Variants in ANKRD62 observed in about 807,000 individuals in gnomAD.
ANKRD62 encodes the protein ankyrin repeat domain 62, also known as ankyrin repeat domain-containing protein 62.
In ANKRD62, 61 loss-of-function variants were observed where a neutral mutation model predicts 98.8. That is an observed-to-expected ratio of 0.62 (90% CI 0.50 to 0.76). The LOEUF (loss-of-function observed/expected upper bound fraction) is 0.76, where lower values mean the gene tolerates loss of function less well. Ranked by LOEUF, ANKRD62 falls within the 30% of genes least tolerant of loss-of-function variation. The pLI is 0.00. For missense variants in ANKRD62, 933 were observed against 1,082.9 expected, an observed-to-expected ratio of 0.86 and a Z score of 1.94; for synonymous variants, 341 against 367.9, an observed-to-expected ratio of 0.93 and a Z score of 0.84.
intron 10 of ANKRD62, among the ~76,000 whole-genome samples, chr18:12,120,367 G>A (rs1486673664): frequency 6.6e-6 from 1 of 152,144 alleles, no homozygotes; most frequent in African/African-American, 2.4e-5. Context: ...TTGATTAACT[G>A]AAACTTTTAT....
the ANKRD62 span, among the ~76,000 whole-genome samples, chr18:12,177,559 C>A: frequency 2.0e-5 from 3 of 151,890 alleles, 1 homozygote; most frequent in African/African-American, 7.3e-5. Flanking sequence ...ACAGAAGAGG[C>A]AGTTGTGTGT....
At chr18:12,154,222 A>G in the ANKRD62 span, among the ~76,000 whole-genome samples, 1 of 152,248 alleles carries the variant, frequency 6.6e-6, no homozygotes, top group Non-Finnish European at 1.5e-5. Flanking sequence ...TCTAATATCC[A>G]GCATCTATAA....
At chr18:12,171,083 C>T in the ANKRD62 span, among the ~76,000 whole-genome samples, 3 of 151,376 alleles carry the variant, frequency 2.0e-5, no homozygotes, top group Non-Finnish European at 4.4e-5. Context: ...GGTCTTCATT[C>T]TTTATGCAAT....
chr18:12,101,723 A>G (rs1423515510), intron 6 of ANKRD62, among the ~76,000 whole-genome samples: 1 of 152,218 alleles, frequency 6.6e-6, no homozygotes, highest in South Asian at 2.1e-4. Context: ...TATCATGTTT[A>G]GTTATACTGT....
chr18:12,110,684 T>C (rs1202548423), intron 8 of ANKRD62, among the ~76,000 whole-genome samples: 1 of 152,198 alleles, frequency 6.6e-6, no homozygotes, highest in Non-Finnish European at 1.5e-5. Context: ...TCCAAAGTTG[T>C]TATTCTCAAG....
Position 12,095,155 on chromosome 18 carries a change from C to G in ANKRD62, c.219-16C>G. On this transcript the variant is annotated splice_polypyrimidine_tract_variant and intron_variant, in intron 1 of 13. Transcript: ENST00000587848. ...TGTGCACTACAATTGCCTAAAGCGA[C>G]CTCTCATTCTCACAGGACTGCTCTA... 1 of 1,532,158 alleles carries G rather than the reference C, an allele frequency of 6.5e-7. No individual in the cohort carries two copies. The highest frequency in any genetic ancestry group is 8.7e-7 in the Non-Finnish European group (1 of 1,143,076). The allele number at this position is 1,532,158 out of a possible 1,614,324, so 94.9% of individuals were successfully genotyped here.
the ANKRD62 span, among the ~76,000 whole-genome samples, chr18:12,161,045 G>A: frequency 6.6e-6 from 1 of 152,064 alleles, no homozygotes; most frequent in Non-Finnish European, 1.5e-5. Context: ...AAAATACCCA[G>A]ATTTACCCTA....
chr18:12,145,704 G>A, the ANKRD62 span, among the ~76,000 whole-genome samples: 6 of 152,158 alleles, frequency 3.9e-5, no homozygotes, highest in South Asian at 2.1e-4. Context: ...AGGGAGAGGC[G>A]GGCCATCTTT....
At chr18:12,102,716 G>A (rs1909331077) in intron 6 of ANKRD62, 1 of 1,029,098 alleles carries the variant, frequency 9.7e-7, no homozygotes, top group Non-Finnish European at 1.2e-6. Flanking sequence ...GTATATGGAT[G>A]AAGGTATAAG....
chr18:12,146,161 C>G, the ANKRD62 span, among the ~76,000 whole-genome samples: 12 of 151,936 alleles, frequency 7.9e-5, no homozygotes, highest in Non-Finnish European at 1.2e-4. Context: ...GAAAACATGG[C>G]CAGGCTTCTT....
chr18:12,111,176 G>A (rs1391261805), intron 8 of ANKRD62, among the ~76,000 whole-genome samples: 4 of 151,454 alleles, frequency 2.6e-5, no homozygotes, highest in African/African-American at 4.9e-5. Context: ...CTGAACCCGG[G>A]AGGCAGAGGT....
At chr18:12,168,159 T>C in the ANKRD62 span, among the ~76,000 whole-genome samples, 17 of 152,234 alleles carry the variant, frequency 1.1e-4, no homozygotes, top group African/African-American at 4.1e-4. Context: ...TTTGTCAATT[T>C]TGGCTTTTGT....
the ANKRD62 span, among the ~76,000 whole-genome samples, chr18:12,149,932 C>G: frequency 0.011 from 1,700 of 151,236 alleles, 7 homozygotes; most frequent in African/African-American, 0.018. Context: ...GAGTTCTTAA[C>G]CAGACAGAGC....
chr18:12,172,135 T>C, the ANKRD62 span, among the ~76,000 whole-genome samples: 1 of 152,228 alleles, frequency 6.6e-6, no homozygotes, highest in African/African-American at 2.4e-5. Context: ...AGCCTTCTTC[T>C]CTCAACTCGT....
chr18:12,153,013 A>G, the ANKRD62 span, among the ~76,000 whole-genome samples: 1 of 152,208 alleles, frequency 6.6e-6, no homozygotes, highest in African/African-American at 2.4e-5. Context: ...TACATCAACA[A>G]CAGTCAAGAT....
In ANKRD62 at chr18:12,125,945, A is replaced by G; in HGVS notation, c.2124A>G (p.Lys708=). ...AGATTCTTTCTCAGCAACTTTCTAAAGCTGAGAGTACATCCAGTGGCCTGG... is the reference window on the plus strand; with the variant it reads ...AGATTCTTTCTCAGCAACTTTCTAAGGCTGAGAGTACATCCAGTGGCCTGG... ...HIQILSQQLS[K]AESTSSGLET... Residue 708 remains lysine (K), a synonymous_variant, in exon 13 of 14, where the codon AAA becomes AAG. Transcript: ENST00000587848. 5 of 1,538,200 alleles carry G rather than the reference A, an allele frequency of 3.3e-6. No individual in the cohort carries two copies. Among genetic ancestry groups the G allele is most frequent in the Non-Finnish European group, 3.5e-6 (4 of 1,146,924 alleles).
the ANKRD62 span, among the ~76,000 whole-genome samples, chr18:12,179,347 G>A: frequency 4.4e-5 from 6 of 137,818 alleles, no homozygotes; most frequent in Non-Finnish European, 7.7e-5. Context: ...CTAGAATAGA[G>A]AAGCCGAGGT....
chr18:12,136,071 G>T, the ANKRD62 span, among the ~76,000 whole-genome samples: 1 of 152,084 alleles, frequency 6.6e-6, no homozygotes, highest in Non-Finnish European at 1.5e-5. Flanking sequence ...GTCAATTTAG[G>T]CTTTTGTTGC....
At position 12,129,019 on chromosome 18, in the gene ANKRD62, A is replaced by T. The variant is rs912768375; in HGVS notation, c.*1080A>T. 2 of 152,190 alleles carry T rather than the reference A, an allele frequency of 1.3e-5. No individual in the cohort carries two copies. The highest frequency in any genetic ancestry group is 4.8e-5 in the African/African-American group (2 of 41,520). The allele number at this position is 152,190 out of a possible 1,614,324, so 9.4% of individuals were successfully genotyped here. Reference sequence around the variant, plus strand: ...GGGGTGGAAGTTGCGGTGAGCCAAGATGGTGCCACTGCACTCCAGCCTGGG... The same window carrying T: ...GGGGTGGAAGTTGCGGTGAGCCAAGTTGGTGCCACTGCACTCCAGCCTGGG... On this transcript the variant is annotated 3_prime_UTR_variant, in exon 14 of 14. Coordinates refer to ENST00000587848, the MANE Select transcript of ANKRD62 (RefSeq NM_001277333.2).
Sources: allele counts gnomAD v4.1 joint callset (sites outside exome capture counted in the v4.1 genomes callset), GRCh38; gene constraint gnomAD v4.1.1; transcripts MANE v1.5; gene names NCBI Gene and HGNC (gene_info 2026-07-23, HGNC 2026-07-21).